GTF2H3: variants seen among roughly 807,000 people sequenced by gnomAD.
The protein encoded by GTF2H3 is TFIIH basal transcription factor complex p34 subunit.
GTF2H3 carries 42 observed loss-of-function variants against 51.1 expected under a neutral mutation model. That is an observed-to-expected ratio of 0.82 (90% CI 0.64 to 1.06). The LOEUF is 1.06. GTF2H3 is among the 50% of genes least tolerant of loss of function. GTF2H3 has a pLI of 0.00. For missense variants in GTF2H3, 326 were observed against 366.1 expected (o/e 0.89, Z 0.89); for synonymous variants, 123 against 123.8 (o/e 0.99, Z 0.04).
At chr12:123,647,937 C>T (rs1955470816) in intron 3 of GTF2H3, 26 bp from the exon 4 acceptor site, 1 of 1,600,322 alleles carries the variant, frequency 6.2e-7, no homozygotes, top group South Asian at 1.1e-5. Context: ...CCTGGTGTAA[C>T]CAGGTTTTTT....
intron 1 of GTF2H3, among the ~76,000 whole-genome samples, chr12:123,638,915 C>A (rs1955327543): frequency 6.6e-6 from 1 of 151,558 alleles, no homozygotes; most frequent in South Asian, 2.1e-4. Context: ...CCTGGCTCAG[C>A]CTCCCGAGTA....
intron 2 of GTF2H3, among the ~76,000 whole-genome samples, chr12:123,641,940 A>G (rs931113916): frequency 6.7e-6 from 1 of 149,828 alleles, no homozygotes; most frequent in Non-Finnish European, 1.5e-5. Flanking sequence ...TGCAACCTCC[A>G]TCTCCCTGGT....
chr12:123,639,397 A>G lies in GTF2H3; in HGVS notation c.93+54A>G, dbSNP rs372032048. 215 of 853,816 alleles carry G rather than the reference A, an allele frequency of 2.5e-4. 1 individual carries two copies. The highest frequency in any genetic ancestry group is 3.4e-4 in the Non-Finnish European group (175 of 510,410). 52.9% of individuals were successfully genotyped at this position (853,816 alleles called of 1,614,324 possible). On this transcript the variant is annotated intron_variant, in intron 2 of 12. Transcript: ENST00000543341. ...AATTCTGGTTTAACTGAGTGTTTATATTGCTTTTTTAAAAAATGGCTTTAT... is the reference window on the plus strand; with the variant it reads ...AATTCTGGTTTAACTGAGTGTTTATGTTGCTTTTTTAAAAAATGGCTTTAT...
At chr12:123,655,981 T>C in intron 9 of GTF2H3, 157 bp downstream of exon 9, 1 of 512,798 alleles carries the variant, frequency 2.0e-6, no homozygotes, top group African/African-American at 1.9e-5. Flanking sequence ...CGTATGGAGC[T>C]ACTGGAAAAT....
At chr12:123,639,115 G>C in intron 1 of GTF2H3, 149 bp from the exon 2 acceptor site, 1 of 542,756 alleles carries the variant, frequency 1.8e-6, no homozygotes, top group East Asian at 3.0e-5. Context: ...GCTTTAACTG[G>C]GTCTTCTGTT....
rs1044477655 is a variant in GTF2H3 at position 123,654,832 on chromosome 12, A to G, written c.487-92A>G. 3 of 818,498 alleles carry G rather than the reference A, an allele frequency of 3.7e-6. No individual in the cohort carries two copies. In the Admixed American group the frequency reaches 5.6e-5, roughly 15 times the overall value. The allele number at this position is 818,498 out of a possible 1,614,324, so 50.7% of individuals were successfully genotyped here. On this transcript the variant is annotated intron_variant, in intron 7 of 12. Coordinates refer to ENST00000543341, the MANE Select transcript of GTF2H3 (RefSeq NM_001516.5). ...GATAAATGGGAAGACAAACTGGAAT[A>G]ATGTTGGTTGTGGTTCGCAGTATAT...
intron 9 of GTF2H3, 114 bp from the exon 10 acceptor site, chr12:123,659,402 A>C (rs1290429537): frequency 1.1e-5 from 8 of 744,590 alleles, no homozygotes; most frequent in Non-Finnish European, 1.7e-5. Context: ...AATAATCTGC[A>C]GTGTCATATC....
At chr12:123,652,793 G>C (rs971975221) in intron 7 of GTF2H3, 58 bp downstream of exon 7, 12 of 1,408,820 alleles carry the variant, frequency 8.5e-6, no homozygotes, top group Middle Eastern at 4.3e-4. Flanking sequence ...AAACATAACG[G>C]GAGACCAGGT....
chr12:123,653,094 CAAAAA>C (rs1955539459), intron 7 of GTF2H3, among the ~76,000 whole-genome samples: 2 of 145,396 alleles, frequency 1.4e-5, no homozygotes, highest in South Asian at 4.3e-4. Flanking sequence ...GACTCCGTCT[CAAAAA>C]GAAAAAAAAA....
chr12:123,636,917 C>CA (rs879833374), intron 1 of GTF2H3, among the ~76,000 whole-genome samples: 143 of 141,284 alleles, frequency 1.0e-3, no homozygotes, highest in African/African-American at 2.4e-3. Context: ...AACTCCGTCT[C>CA]AAAAAAAAAA....
chr12:123,658,169 C>T (rs575210323), intron 9 of GTF2H3, among the ~76,000 whole-genome samples: 1 of 152,164 alleles, frequency 6.6e-6, no homozygotes, highest in South Asian at 2.1e-4. Context: ...ATGATCTTCC[C>T]ACTCAGTCTC....
chr12:123,643,162 G>A (rs1490019543), intron 2 of GTF2H3, among the ~76,000 whole-genome samples: 1 of 152,214 alleles, frequency 6.6e-6, no homozygotes, highest in East Asian at 1.9e-4. Context: ...ACAGGTGTGA[G>A]CTACTACGCC....
chr12:123,633,933 A>C, intron 1 of GTF2H3, 61 bp downstream of exon 1: 1 of 1,571,520 alleles, frequency 6.4e-7, no homozygotes, highest in Non-Finnish European at 8.7e-7. Flanking sequence ...TCCGGCTACG[A>C]CTGGCCAGAT....
intron 2 of GTF2H3, among the ~76,000 whole-genome samples, chr12:123,644,657 T>TC (rs1490557308): frequency 1.3e-5 from 2 of 149,140 alleles, no homozygotes; most frequent in African/African-American, 5.0e-5. Context: ...AGAGTGAGAC[T>TC]CCATCTCAAA....
rs752753800 is a variant in GTF2H3 at position 123,633,834 on chromosome 12, C to T, written c.-26C>T. 1.7e-5 allele frequency: 27 copies of T among 1,612,472 alleles called. No individual in the cohort carries two copies. The highest frequency in any genetic ancestry group is 9.3e-5 in the African/African-American group (7 of 75,062). On this transcript the variant is annotated 5_prime_UTR_variant, in exon 1 of 13. Coordinates refer to ENST00000543341, the MANE Select transcript of GTF2H3 (RefSeq NM_001516.5). ...GAGACGCTCCCCTGACCACCACTTG[C>T]TCTGCGCTGAGGTGCTGGGACAGCC...
At chr12:123,652,944 G>A (rs1366781943) in intron 7 of GTF2H3, among the ~76,000 whole-genome samples, 2 of 151,890 alleles carry the variant, frequency 1.3e-5, no homozygotes, top group African/African-American at 2.4e-5. Flanking sequence ...TGGGCGTGGT[G>A]GTGCATGCCT....
chr12:123,641,709 G>A (rs1955377382), intron 2 of GTF2H3, among the ~76,000 whole-genome samples: 1 of 151,938 alleles, frequency 6.6e-6, no homozygotes, highest in Non-Finnish European at 1.5e-5. Context: ...CTGCTATTTT[G>A]TTATTTGTTT....
At chr12:123,656,493 C>T (rs1394487485) in intron 9 of GTF2H3, among the ~76,000 whole-genome samples, 3 of 152,150 alleles carry the variant, frequency 2.0e-5, no homozygotes, top group Non-Finnish European at 4.4e-5. Context: ...AGCTCTACCT[C>T]CTCAGCCCTC....
chr12:123,651,557 T>G (rs1348915429), intron 5 of GTF2H3, among the ~76,000 whole-genome samples: 1 of 151,460 alleles, frequency 6.6e-6, no homozygotes, highest in African/African-American at 2.4e-5. Flanking sequence ...TGGTGGCTCA[T>G]GCCTGTAATC....
Sources: allele counts gnomAD v4.1 joint callset (sites outside exome capture counted in the v4.1 genomes callset), GRCh38; gene constraint gnomAD v4.1.1; transcripts MANE v1.5; gene names NCBI Gene and HGNC (gene_info 2026-07-23, HGNC 2026-07-21).